The following GNPTG variants were observed in gnomAD, a reference collection of about 807,000 sequenced individuals.
The protein encoded by GNPTG is N-acetylglucosamine-1-phosphate transferase subunit gamma.
A neutral mutation model predicts 43.8 loss-of-function variants in GNPTG; 46 were observed. The ratio of observed to expected loss-of-function variants is 1.05; its 90% CI spans 0.83 to 1.34. The LOEUF (loss-of-function observed/expected upper bound fraction) is 1.34. Among genes scored for constraint, GNPTG ranks in the 40% most tolerant of loss-of-function variants. The pLI is 0.00. For synonymous variants in GNPTG, 250 were observed against 172.8 expected (o/e 1.45, Z -3.50); for missense variants, 549 against 411.3 (o/e 1.33, Z -2.90).
Position 1,363,229 on chromosome 16 carries a change from C to T in GNPTG, c.*138C>T, listed in dbSNP as rs778271120. On this transcript the variant is annotated 3_prime_UTR_variant, in exon 11 of 11. Coordinates refer to ENST00000204679, the MANE Select transcript of GNPTG (RefSeq NM_032520.5). ...CAAAGATTCAAGGTTTTAATTAATT[C>T]CCATACTGATAAAAATAACTCCATG... 4.0e-5 allele frequency: 29 copies of T among 733,592 alleles called. No individual in the cohort carries two copies. Among genetic ancestry groups the T allele is most frequent in the Non-Finnish European group, 6.2e-5 (26 of 420,938 alleles). 45.4% of individuals were successfully genotyped at this position (733,592 alleles called of 1,614,324 possible).
chr16:1,352,173 C>T lies in GNPTG; in HGVS notation c.110+14C>T. On this transcript the variant is annotated intron_variant, in intron 2 of 10. Transcript: ENST00000204679. ...CAACGCGTTTGGGTGAGCAGCCTCG[C>T]GGGCTGGCGGCTCGAGCGGGGGACG... The T allele has an allele frequency of 6.4e-7, 1 of 1,568,148 alleles. No homozygotes were observed. The highest frequency in any genetic ancestry group is 8.6e-7 in the Non-Finnish European group (1 of 1,158,166).
intron 3 of GNPTG, among the ~76,000 whole-genome samples, chr16:1,355,591 C>T (rs1490006663): frequency 6.6e-6 from 1 of 152,088 alleles, no homozygotes; most frequent in East Asian, 1.9e-4. Flanking sequence ...AGACAGTGTC[C>T]CGCTGTGGCA....
chr16:1,356,619 AG>A (rs1382253312), intron 3 of GNPTG, among the ~76,000 whole-genome samples: 2 of 152,184 alleles, frequency 1.3e-5, no homozygotes, highest in African/African-American at 2.4e-5. Context: ...CTCAGCCAGT[AG>A]GAGTCCACTG....
chr16:1,359,630 T>C (rs2034836173), intron 3 of GNPTG, among the ~76,000 whole-genome samples: 1 of 152,222 alleles, frequency 6.6e-6, no homozygotes, highest in Non-Finnish European at 1.5e-5. Flanking sequence ...AAGTAATTTT[T>C]GGAATCAGTA....
chr16:1,360,124 G>A (rs1046726048), intron 3 of GNPTG, among the ~76,000 whole-genome samples: 7 of 151,714 alleles, frequency 4.6e-5, no homozygotes, highest in Admixed American at 1.3e-4. Flanking sequence ...AAAAAGTGGC[G>A]TATGGATGTC....
intron 3 of GNPTG, chr16:1,361,260 G>C (rs1370080128): frequency 5.3e-6 from 1 of 187,162 alleles, no homozygotes; most frequent in Non-Finnish European, 1.1e-5. Flanking sequence ...ATTTTTGAAG[G>C]GCTATTTTTA....
chr16:1,355,795 C>G (rs918207608), intron 3 of GNPTG, among the ~76,000 whole-genome samples: 3 of 151,968 alleles, frequency 2.0e-5, no homozygotes, highest in Non-Finnish European at 4.4e-5. Context: ...AGAGTGGCCC[C>G]GGGATCCTGG....
intron 3 of GNPTG, chr16:1,361,523 A>C: frequency 3.8e-6 from 2 of 525,052 alleles, no homozygotes; most frequent in Non-Finnish European, 6.9e-6. Context: ...GGGCGCCTGT[A>C]GTCCCAGCTA....
At chr16:1,355,067 G>T (rs1243979697) in intron 3 of GNPTG, among the ~76,000 whole-genome samples, 2 of 152,104 alleles carry the variant, frequency 1.3e-5, no homozygotes, top group Admixed American at 6.5e-5. Context: ...TGCCGCGTCT[G>T]CGGGGTCGGG....
rs367901619 is a variant in GNPTG, at chr16:1,352,329, C to T, written c.178+23C>T. 3.2e-5 allele frequency: 50 copies of T among 1,548,006 alleles called. No individual in the cohort carries two copies. The South Asian group carries it at 5.0e-4, about 15-fold the overall frequency. On this transcript the variant is annotated intron_variant, in intron 3 of 10. Transcript: ENST00000204679. ...CTGGTGAGTGAGGAGCGCTGTTGGC[C>T]GGCGCGGGGGTGGCCGCGGGGAGCA...
rs1295037152 is a variant in GNPTG, at chr16:1,352,047, G to A, written c.52+30G>A. The A allele has an allele frequency of 2.6e-6, 4 of 1,515,886 alleles. No homozygotes were observed. In the East Asian group the frequency reaches 8.0e-5, roughly 30 times the overall value. The allele number at this position is 1,515,886 out of a possible 1,614,324, so 93.9% of individuals were successfully genotyped here. A position where few individuals can be genotyped will look rare whatever the true frequency, so the allele number is the denominator to read the frequency against. On this transcript the variant is annotated intron_variant, in intron 1 of 10. Coordinates refer to ENST00000204679, the MANE Select transcript of GNPTG (RefSeq NM_032520.5). ...GTGGCCCGGCCGTCCGCGTCCCCAG[G>A]CCCCGCGCGCGCTCTGCACCCCGGC...
At chr16:1,352,752 G>A (rs1278823322) in intron 3 of GNPTG, among the ~76,000 whole-genome samples, 1 of 152,068 alleles carries the variant, frequency 6.6e-6, no homozygotes, top group Non-Finnish European at 1.5e-5. Context: ...CACGCGATAG[G>A]ATGGCACTGC....
chr16:1,362,431 T>C (rs370884840), intron 7 of GNPTG, 21 bp from the exon 8 acceptor site: 106 of 1,613,266 alleles, frequency 6.6e-5, no homozygotes, highest in Non-Finnish European at 8.4e-5. Flanking sequence ...CAGCTGAGCC[T>C]GGCTTCTCTT....
chr16:1,362,233 C>A lies in GNPTG; in HGVS notation c.439C>A (p.Arg147=), dbSNP rs775985395. 1 of 1,613,596 alleles carries A rather than the reference C, an allele frequency of 6.2e-7. No individual in the cohort carries two copies. Among genetic ancestry groups the A allele is most frequent in the Admixed American group, 1.7e-5 (1 of 60,028 alleles). Reference sequence around the variant, plus strand: ...GGAGCTGGCGTGTGGAAAAAGCAACCGGCTGGCCCATGTGTCCGAGCCGAG... The same window carrying A: ...GGAGCTGGCGTGTGGAAAAAGCAACAGGCTGGCCCATGTGTCCGAGCCGAG... ...KVELACGKSN[R]LAHVSEPSTC... Residue 147 remains arginine (R), a synonymous_variant, in exon 7 of 11, where the codon CGG becomes AGG. Transcript: ENST00000204679.
At chr16:1,354,691 C>CA (rs2034744322) in intron 3 of GNPTG, among the ~76,000 whole-genome samples, 1 of 151,328 alleles carries the variant, frequency 6.6e-6, no homozygotes, top group Non-Finnish European at 1.5e-5. Flanking sequence ...TTCACATGTG[C>CA]ATTTGGTTCA....
Position 1,361,420 on chromosome 16 carries a change from G to T in GNPTG, c.179-323G>T, listed in dbSNP as rs1021425868. On this transcript the variant is annotated intron_variant, in intron 3 of 10. Transcript: ENST00000204679. The stretch of plus-strand genomic sequence containing the variant: ...AGCACTTTGGGAGGCCGAGGTGGGT[G>T]GATCACGAGGTCAGGAGATCGAGAC... 3 of 360,006 alleles carry T rather than the reference G, an allele frequency of 8.3e-6. No individual in the cohort carries two copies. The Admixed American group carries it at 1.2e-4, about 14-fold the overall frequency. 22.3% of individuals were successfully genotyped at this position (360,006 alleles called of 1,614,324 possible).
In GNPTG at chr16:1,363,019, G is replaced by C. The variant is rs749443455; in HGVS notation, c.846G>C (p.Leu282Phe). ...CAGAAACTTCCAACTTGGAGCACTTGGGCCACGAGACGCCCAGAGCCAAGT... is the reference window on the plus strand; with the variant it reads ...CAGAAACTTCCAACTTGGAGCACTTCGGCCACGAGACGCCCAGAGCCAAGT... Reference protein sequence around the residue: ...RPTETSNLEHLGHETPRAKSP... With the variant: ...RPTETSNLEHFGHETPRAKSP... The change falls in exon 11 of 11, where the codon TTG (leucine) becomes TTC (phenylalanine). Residue 282 changes from leucine to phenylalanine, a missense_variant. Leu to Phe is a conservative substitution (Grantham distance 22). Coordinates refer to ENST00000204679, the MANE Select transcript of GNPTG (RefSeq NM_032520.5). 11 of 1,614,078 alleles carry C rather than the reference G, an allele frequency of 6.8e-6. No homozygotes were observed. The South Asian group carries it at 7.7e-5, about 11-fold the overall frequency.
Position 1,358,827 on chromosome 16 carries a change from C to T in GNPTG, c.179-2916C>T, listed in dbSNP as rs534625116. On this transcript the variant is annotated intron_variant, in intron 3 of 10. Coordinates refer to ENST00000204679, the MANE Select transcript of GNPTG (RefSeq NM_032520.5). Reference sequence around the variant, plus strand: ...TTTTAATTTGCATTTCCCTAATGATCAGTCATGTGGGATCTTTTCAGTTGC... The same window carrying T: ...TTTTAATTTGCATTTCCCTAATGATTAGTCATGTGGGATCTTTTCAGTTGC... 4 of 151,478 alleles carry T rather than the reference C, an allele frequency of 2.6e-5. 1 individual carries two copies. Among genetic ancestry groups the T allele is most frequent in the South Asian group, 4.3e-4 (2 of 4,646 alleles). 9.4% of individuals were successfully genotyped at this position (151,478 alleles called of 1,614,324 possible). A position where few individuals can be genotyped will look rare whatever the true frequency, so the allele number is the denominator to read the frequency against.
At chr16:1,359,565 G>A (rs1371738347) in intron 3 of GNPTG, among the ~76,000 whole-genome samples, 1 of 152,176 alleles carries the variant, frequency 6.6e-6, no homozygotes, top group East Asian at 1.9e-4. Flanking sequence ...CCTGCGCCCG[G>A]CCTCTATGCC....
Sources: gnomAD v4.1 joint callset for allele counts (sites outside exome capture counted in the v4.1 genomes callset) on GRCh38, gnomAD v4.1.1 for gene constraint, MANE v1.5 for transcripts, NCBI Gene and HGNC (gene_info 2026-07-23, HGNC 2026-07-21) for gene names.